Variants in UBR4 observed in about 807,000 individuals in gnomAD.
UBR4 encodes E3 ubiquitin-protein ligase UBR4.
A neutral mutation model predicts 575.6 loss-of-function variants in UBR4; 124 were observed. That is an observed-to-expected ratio of 0.22 (90% CI 0.19 to 0.25). The LOEUF (loss-of-function observed/expected upper bound fraction) is 0.25. UBR4 is among the 10% of genes least tolerant of loss of function. The probability of loss-of-function intolerance (pLI) is 1.00; values close to 1 mark genes in which losing one functional copy is unlikely to be tolerated. For missense variants in UBR4, 4,818 were observed against 6,478.8 expected (o/e 0.74, Z 8.80); for synonymous variants, 2,455 against 2,473.7 (o/e 0.99, Z 0.22).
rs2086044650 is a variant in UBR4 at position 19,153,641 on chromosome 1, G to A, written c.6630+127C>T. On this transcript the variant is annotated intron_variant, in intron 45 of 105. Coordinates refer to ENST00000375254, the MANE Select transcript of UBR4 (RefSeq NM_020765.3). The surrounding 1 kb of genome is among the most constrained non-coding windows in gnomAD (Gnocchi z 4.1). ...AAGGGTGGCAAAGAAAAGGCATCTA[G>A]AAGAAAAAGGACTGAAAATCTTTTA... is the stretch of plus-strand genomic sequence containing the variant. 1 of 1,468,442 alleles carries A rather than the reference G, an allele frequency of 6.8e-7. No homozygotes were observed. 91.0% of individuals were successfully genotyped at this position (1,468,442 alleles called of 1,614,324 possible).
In UBR4 at chr1:19,110,668, G is replaced by A. The variant is rs934560450; in HGVS notation, c.11892+74C>T. On this transcript the variant is annotated intron_variant, in intron 79 of 105. Coordinates refer to ENST00000375254, the MANE Select transcript of UBR4 (RefSeq NM_020765.3). The surrounding 1 kb of genome is among the most constrained non-coding windows in gnomAD (Gnocchi z 4.5). ...CCTCCTCAGTCACCGCAGGACCTGG[G>A]AGGGGAAGCTGAGAAACACAAGGCA... 2.0e-6 allele frequency: 3 copies of A among 1,532,666 alleles called. No individual in the cohort carries two copies. The highest frequency in any genetic ancestry group is 2.7e-6 in the Non-Finnish European group (3 of 1,107,192). 94.9% of individuals were successfully genotyped at this position (1,532,666 alleles called of 1,614,324 possible).
intron 28 of UBR4, among the ~76,000 whole-genome samples, 173 bp from the exon 29 acceptor site, chr1:19,167,404 C>T (rs975337258): frequency 6.6e-6 from 1 of 152,206 alleles, no homozygotes; most frequent in Non-Finnish European, 1.5e-5. Context: ...TATCATCATA[C>T]AATTTCATAT....
At position 19,152,261 on chromosome 1, in the gene UBR4, T is replaced by C; in HGVS notation, c.6996+52A>G. ...AAAGGAGATGTGTTCTCAAACCATA[T>C]TGTTTGAGTCCTTCTACCCAGGGAT... is the stretch of plus-strand genomic sequence containing the variant. On this transcript the variant is annotated intron_variant, in intron 47 of 105. Coordinates refer to ENST00000375254, the MANE Select transcript of UBR4 (RefSeq NM_020765.3). The surrounding 1 kb of genome is among the most constrained non-coding windows in gnomAD (Gnocchi z 4.4). 5 of 1,603,156 alleles carry C rather than the reference T, an allele frequency of 3.1e-6. No homozygotes were observed. The highest frequency in any genetic ancestry group is 3.4e-5 in the Admixed American group (2 of 59,648).
intron 77 of UBR4, 161 bp downstream of exon 77, chr1:19,113,538 G>A (rs1395815279): frequency 3.9e-6 from 4 of 1,028,482 alleles, no homozygotes; most frequent in African/African-American, 1.6e-5. Flanking sequence ...CGGTGGGGGA[G>A]ATGCCGTTTG....
At chr1:19,166,765 G>C (rs971348714) in intron 29 of UBR4, among the ~76,000 whole-genome samples, 1 of 136,600 alleles carries the variant, frequency 7.3e-6, no homozygotes, top group Non-Finnish European at 1.5e-5. Flanking sequence ...AACCAGCTGG[G>C]CATGGTGGCA....
Position 19,164,245 on chromosome 1 carries a change from C to T in UBR4, c.4700+8G>A. 1 of 1,608,086 alleles carries T rather than the reference C, an allele frequency of 6.2e-7. No individual in the cohort carries two copies. Among genetic ancestry groups the T allele is most frequent in the African/African-American group, 1.3e-5 (1 of 74,932 alleles). ...TTGTAACCTACAGATACAACTTCAT[C>T]ATCTTACCATCTGCTCAGCCAATCC... On this transcript the variant is annotated splice_region_variant and intron_variant, in intron 33 of 105. Transcript: ENST00000375254.
intron 102 of UBR4, chr1:19,081,808 T>C (rs1261277049): frequency 1.4e-6 from 1 of 702,542 alleles, no homozygotes; most frequent in Non-Finnish European, 2.7e-6. Context: ...TGGCCCCATG[T>C]CTAGCTCCTA....
At chr1:19,099,756 G>T in intron 89 of UBR4, 79 bp from the exon 90 acceptor site, 2 of 1,251,772 alleles carry the variant, frequency 1.6e-6, no homozygotes, top group Non-Finnish European at 2.3e-6. Context: ...GGCACCTTAC[G>T]GCAATGGTTG....
At chr1:19,191,662 A>G (rs2092092087) in intron 11 of UBR4, among the ~76,000 whole-genome samples, 2 of 152,236 alleles carry the variant, frequency 1.3e-5, no homozygotes, top group South Asian at 4.1e-4. Context: ...CTCAATGCCT[A>G]GAATAGGGCC....
chr1:19,082,447 A>C (rs1199320382), intron 102 of UBR4, among the ~76,000 whole-genome samples: 1 of 152,188 alleles, frequency 6.6e-6, no homozygotes, highest in Admixed American at 6.5e-5. Flanking sequence ...CTCCTTCTCC[A>C]CGCTGAAGCT....
rs535369262 is a variant in UBR4 at position 19,166,714 on chromosome 1, C to CAAAAA, written c.4109+303_4109+307dup. 2.7e-4 allele frequency among the ~76,000 whole-genome samples: 20 copies of CAAAAA among 73,754 alleles called. 1 individual carries two copies. Among genetic ancestry groups the CAAAAA allele is most frequent in the African/African-American group, 8.6e-4 (13 of 15,128 alleles). The allele number at this position is 73,754 out of a possible 152,430, so 48.4% of individuals were successfully genotyped here. On this transcript the variant is annotated intron_variant, in intron 29 of 105. Transcript: ENST00000375254. The stretch of plus-strand genomic sequence containing the variant: ...ACAACATGGCAAACTCCATCTCTAC[C>CAAAAA]AAAAAAAAAAAAAAAAAAAAAAAAA...
In UBR4 at chr1:19,088,422, C is replaced by T. The variant is rs1300038050; in HGVS notation, c.14430+337G>A. ...TTAGTTATGTGCCTTGGCCTATTTA[C>T]TTCACCTCTCAGTTTCAGTTACTTC... On this transcript the variant is annotated intron_variant, in intron 98 of 105. Coordinates refer to ENST00000375254, the MANE Select transcript of UBR4 (RefSeq NM_020765.3). This position sits in a 1 kb window ranked among gnomAD's most constrained non-coding sequence, Gnocchi z 4.0. Among the ~76,000 whole-genome samples the T allele has an allele frequency of 1.3e-5, 2 of 152,214 alleles. No individual in the cohort carries two copies. The highest frequency in any genetic ancestry group is 2.9e-5 in the Non-Finnish European group (2 of 68,038).
At chr1:19,190,730 T>C (rs756344224) in intron 11 of UBR4, among the ~76,000 whole-genome samples, 1 of 152,128 alleles carries the variant, frequency 6.6e-6, no homozygotes, top group Admixed American at 6.6e-5. Context: ...ACCTTCCAAA[T>C]ATATTTCAAT....
At chr1:19,176,135 C>T (rs2090236311) in intron 20 of UBR4, among the ~76,000 whole-genome samples, 1 of 149,310 alleles carries the variant, frequency 6.7e-6, no homozygotes, top group Admixed American at 6.7e-5. Flanking sequence ...GCTGCCCAGG[C>T]TGGAGTGCAG....
intron 60 of UBR4, among the ~76,000 whole-genome samples, chr1:19,130,648 A>T (rs2082316575): frequency 6.6e-6 from 1 of 152,252 alleles, no homozygotes; most frequent in Non-Finnish European, 1.5e-5. Flanking sequence ...ATAATTAGCC[A>T]AGCTAGGTGG....
chr1:19,076,336 C>A (rs1271187671), intron 105 of UBR4, among the ~76,000 whole-genome samples: 1 of 152,198 alleles, frequency 6.6e-6, no homozygotes, highest in African/African-American at 2.4e-5. Flanking sequence ...CATGTTAATT[C>A]TCTGAACTGC....
intron 1 of UBR4, among the ~76,000 whole-genome samples, chr1:19,205,662 G>C (rs776273166): frequency 4.1e-5 from 6 of 148,008 alleles, no homozygotes; most frequent in Non-Finnish European, 8.9e-5. Context: ...TTTCCTGTAG[G>C]TCAATTATCA....
At position 19,122,010 on chromosome 1, in the gene UBR4, C is replaced by T; in HGVS notation, c.9819G>A (p.Met3273Ile). 1 of 1,614,066 alleles carries T rather than the reference C, an allele frequency of 6.2e-7. No homozygotes were observed. The highest frequency in any genetic ancestry group is 1.1e-5 in the South Asian group (1 of 91,078). ...TCTCTGCACAGGCTTTCAGGTGCTC[C>T]ATCTGAAATAGGAACCAACCACGGG... ...ALQYDTLISL[M>I]EHLKACAEIA... The change falls in exon 67 of 106, where the codon ATG becomes ATA. Residue 3273 changes from methionine to isoleucine, a missense_variant and splice_region_variant. Met to Ile is a conservative substitution (Grantham distance 10, BLOSUM62 1). This residue lies in a region of UBR4 where 550 missense variants were observed against 791.5 expected (regional missense o/e 0.69). Coordinates refer to ENST00000375254, the MANE Select transcript of UBR4 (RefSeq NM_020765.3).
rs201780204 is a variant in UBR4 at position 19,141,321 on chromosome 1, G to A, written c.8488+26C>T. 1.1e-4 allele frequency: 178 copies of A among 1,614,088 alleles called. No individual in the cohort carries two copies. The East Asian group carries it at 3.3e-3, about 30-fold the overall frequency. On this transcript the variant is annotated intron_variant, in intron 57 of 105. Transcript: ENST00000375254. The stretch of plus-strand genomic sequence containing the variant: ...TTTTCCTGTGCAAGGCCAATGGGCC[G>A]CTTTGTTCTTGGCATGGCCTTCTAC...
Sources: allele counts gnomAD v4.1 joint callset (sites outside exome capture counted in the v4.1 genomes callset), GRCh38; gene constraint gnomAD v4.1.1; regional missense constraint gnomAD v4.1.1; non-coding constraint Gnocchi (gnomAD v3.1); transcripts MANE v1.5; gene names NCBI Gene and HGNC (gene_info 2026-07-23, HGNC 2026-07-21).